Variants in MDGA2 observed in about 807,000 individuals in gnomAD.
MDGA2 encodes the protein MAM domain containing glycosylphosphatidylinositol anchor 2, also known as MAM domain-containing glycosylphosphatidylinositol anchor protein 2.
MDGA2 carries 40 observed loss-of-function variants against 117.8 expected under a neutral mutation model. The ratio of observed to expected loss-of-function variants is 0.34; its 90% CI spans 0.26 to 0.44. The LOEUF (loss-of-function observed/expected upper bound fraction) is 0.44, where lower values mean the gene tolerates loss of function less well. Among genes scored for constraint, MDGA2 ranks in the 20% least tolerant of loss-of-function variants. MDGA2 has a pLI of 1.00. For synonymous variants in MDGA2, 452 were observed against 439.0 expected, an observed-to-expected ratio of 1.03 and a Z score of -0.37; for missense variants, 1,123 against 1,250.6, an observed-to-expected ratio of 0.90 and a Z score of 1.54.
chr14:47,603,322 G>A (rs968039784), intron 1 of MDGA2, among the ~76,000 whole-genome samples: 4 of 151,912 alleles, frequency 2.6e-5, no homozygotes, highest in Non-Finnish European at 5.9e-5. Flanking sequence ...TTTATTACAC[G>A]AATAGATCAG....
chr14:47,463,455 T>C (rs909065424), intron 1 of MDGA2, among the ~76,000 whole-genome samples: 24 of 152,170 alleles, frequency 1.6e-4, no homozygotes, highest in African/African-American at 5.1e-4. Flanking sequence ...TTACAAATAA[T>C]TGTACATCTT....
chr14:47,159,211 A>G (rs974738485), intron 3 of MDGA2, among the ~76,000 whole-genome samples: 3 of 152,198 alleles, frequency 2.0e-5, no homozygotes, highest in East Asian at 1.9e-4. Flanking sequence ...TGATGTGTCA[A>G]TGCAGGTTCA....
chr14:47,662,723 T>G (rs1897873560), intron 1 of MDGA2, among the ~76,000 whole-genome samples: 1 of 152,108 alleles, frequency 6.6e-6, no homozygotes, highest in South Asian at 2.1e-4. Context: ...ACAAGACAGA[T>G]TATTTCAGGC....
intron 1 of MDGA2, among the ~76,000 whole-genome samples, chr14:47,550,868 T>A (rs1236066877): frequency 6.6e-6 from 1 of 152,148 alleles, no homozygotes; most frequent in African/African-American, 2.4e-5. Context: ...AGGAAAACAC[T>A]CCCTTGTTTA....
chr14:47,275,210 C>T (rs143572186), intron 2 of MDGA2, among the ~76,000 whole-genome samples: 69 of 152,232 alleles, frequency 4.5e-4, no homozygotes, highest in East Asian at 2.3e-3. Context: ...CAGACGTTAG[C>T]GAACAAGCAA....
At chr14:46,972,848 T>A (rs1396236348) in intron 8 of MDGA2, among the ~76,000 whole-genome samples, 1 of 152,060 alleles carries the variant, frequency 6.6e-6, no homozygotes, top group East Asian at 1.9e-4. Flanking sequence ...AACTACAGAC[T>A]GGGAGAAAAT....
intron 6 of MDGA2, 110 bp from the exon 7 acceptor site, chr14:47,061,688 G>A: frequency 1.1e-6 from 1 of 874,908 alleles, no homozygotes; most frequent in African/African-American, 1.7e-5. Context: ...CAAATAAAGT[G>A]TACATATATT....
intron 1 of MDGA2, among the ~76,000 whole-genome samples, chr14:47,326,686 T>C (rs1285276870): frequency 3.4e-5 from 5 of 148,360 alleles, no homozygotes; most frequent in East Asian, 4.0e-4. Context: ...TAAGATAGTA[T>C]ACACACACAC....
At chr14:47,564,605 A>T (rs1594920225) in intron 1 of MDGA2, among the ~76,000 whole-genome samples, 1 of 152,176 alleles carries the variant, frequency 6.6e-6, no homozygotes, top group African/African-American at 2.4e-5. Context: ...AGAATTATGG[A>T]AGTTCAATTC....
chr14:47,513,378 G>A (rs1386969418), intron 1 of MDGA2, among the ~76,000 whole-genome samples: 1 of 151,936 alleles, frequency 6.6e-6, no homozygotes, highest in Non-Finnish European at 1.5e-5. Flanking sequence ...TATATACATG[G>A]GACAATTTAA....
intron 1 of MDGA2, among the ~76,000 whole-genome samples, chr14:47,393,429 C>T (rs1891939943): frequency 6.6e-6 from 1 of 151,468 alleles, no homozygotes; most frequent in Non-Finnish European, 1.5e-5. Context: ...AATATAATTA[C>T]ACATTTAATG....
At chr14:47,601,879 G>A (rs1267881141) in intron 1 of MDGA2, among the ~76,000 whole-genome samples, 19 of 152,076 alleles carry the variant, frequency 1.2e-4, no homozygotes, top group Admixed American at 1.2e-3. Flanking sequence ...TTAACTACAA[G>A]GAAATCTATT....
chr14:47,167,685 CA>C (rs1233000206), intron 3 of MDGA2, among the ~76,000 whole-genome samples: 1 of 152,010 alleles, frequency 6.6e-6, no homozygotes, highest in African/African-American at 2.4e-5. Flanking sequence ...ACATGGAAAA[CA>C]TCTCAGGGAG....
At chr14:47,318,710 A>G (rs1042807281) in intron 1 of MDGA2, among the ~76,000 whole-genome samples, 1 of 151,476 alleles carries the variant, frequency 6.6e-6, no homozygotes, top group South Asian at 2.1e-4. Flanking sequence ...TACCGAATGA[A>G]TTAATTAATG....
At chr14:47,278,785 C>A (rs1237921270) in intron 2 of MDGA2, among the ~76,000 whole-genome samples, 1 of 152,160 alleles carries the variant, frequency 6.6e-6, no homozygotes, top group African/African-American at 2.4e-5. Context: ...TCCTCCTCAT[C>A]CCCTGTCCCC....
chr14:47,163,010 G>C (rs562370363), intron 3 of MDGA2, among the ~76,000 whole-genome samples: 1 of 152,154 alleles, frequency 6.6e-6, no homozygotes, highest in Non-Finnish European at 1.5e-5. Context: ...TGTTTCATTG[G>C]GTATATGTTC....
chr14:47,628,392 C>G (rs921758203), intron 1 of MDGA2, among the ~76,000 whole-genome samples: 23 of 152,216 alleles, frequency 1.5e-4, no homozygotes, highest in Middle Eastern at 3.2e-3. Context: ...ACCCTAAACT[C>G]AAGGCCTGGC....
At chr14:46,872,393 C>A (rs979344926) in intron 14 of MDGA2, among the ~76,000 whole-genome samples, 2 of 151,788 alleles carry the variant, frequency 1.3e-5, no homozygotes, top group Non-Finnish European at 2.9e-5. Flanking sequence ...GAAAACATAC[C>A]TCTTTTGCAT....
intron 3 of MDGA2, among the ~76,000 whole-genome samples, chr14:47,166,031 TA>T (rs1232263510): frequency 1.4e-4 from 20 of 143,548 alleles, no homozygotes; most frequent in Non-Finnish European, 2.9e-4. Flanking sequence ...CAGCACTGTT[TA>T]CTTTTTTTTT....
Sources: gnomAD v4.1 joint callset for allele counts (sites outside exome capture counted in the v4.1 genomes callset) on GRCh38, gnomAD v4.1.1 for gene constraint, MANE v1.5 for transcripts, NCBI Gene and HGNC (gene_info 2026-07-23, HGNC 2026-07-21) for gene names.